The following GRM3 variants were observed in gnomAD, a reference collection of about 807,000 sequenced individuals.
GRM3 encodes the protein metabotropic glutamate receptor 3.
In GRM3, 26 loss-of-function variants were observed where a neutral mutation model predicts 70.5. That is an observed-to-expected ratio of 0.37 (90% CI 0.27 to 0.51). GRM3 has a LOEUF of 0.51. GRM3 is among the 20% of genes least tolerant of loss of function. GRM3 has a pLI of 0.93. For synonymous variants in GRM3, 443 were observed against 434.9 expected (o/e 1.02, Z -0.23); for missense variants, 859 against 1,123.8 (o/e 0.76, Z 3.37).
intron 5 of GRM3, among the ~76,000 whole-genome samples, chr7:86,856,015 C>G (rs1417106160): frequency 6.6e-6 from 1 of 152,182 alleles, no homozygotes; most frequent in African/African-American, 2.4e-5. Context: ...ACAGGTATAT[C>G]ATACACGTAA....
In GRM3 at chr7:86,765,003, T is replaced by A; in HGVS notation, c.-140-3T>A. The A allele has an allele frequency of 1.4e-6, 2 of 1,467,842 alleles. No homozygotes were observed. The highest frequency in any genetic ancestry group is 1.8e-6 in the Non-Finnish European group (2 of 1,117,234). 90.9% of individuals were successfully genotyped at this position (1,467,842 alleles called of 1,614,324 possible). On this transcript the variant is annotated splice_region_variant and splice_polypyrimidine_tract_variant and intron_variant, in intron 1 of 5. Coordinates refer to ENST00000361669, the MANE Select transcript of GRM3 (RefSeq NM_000840.3). ...TTTGTTCATATAATTTTTATCTCTT[T>A]AGGAATTTTGTGACAGGCTCTGTTA...
At chr7:86,838,536 C>T (rs1798501281) in intron 3 of GRM3, among the ~76,000 whole-genome samples, 1 of 152,154 alleles carries the variant, frequency 6.6e-6, no homozygotes, top group Non-Finnish European at 1.5e-5. Flanking sequence ...ACATGCCCAT[C>T]ATAAAACATA....
chr7:86,838,873 A>G lies in GRM3; in HGVS notation c.1359A>G (p.Ile453Met). 1 of 1,612,236 alleles carries G rather than the reference A, an allele frequency of 6.2e-7. No homozygotes were observed. Among genetic ancestry groups the G allele is most frequent in the Admixed American group, 1.7e-5 (1 of 59,942 alleles). ...ACCCAAATAAAGATGCAGATAGCAT[A>G]GTCAAGTTTGACACTTTTGGAGATG... ...PFNPNKDADS[I>M]VKFDTFGDGM... Residue 453 changes from isoleucine (I) to methionine (M), a missense_variant, in exon 4 of 6, where the codon ATA becomes ATG. Transcript: ENST00000361669.
intron 1 of GRM3, among the ~76,000 whole-genome samples, chr7:86,705,777 C>A (rs572803187): frequency 2.7e-4 from 41 of 152,164 alleles, no homozygotes; most frequent in Admixed American, 3.9e-4. Context: ...TTTTATATCA[C>A]CATGCTTATA....
intron 1 of GRM3, among the ~76,000 whole-genome samples, chr7:86,733,817 A>T (rs1361169391): frequency 6.6e-6 from 1 of 152,228 alleles, no homozygotes; most frequent in Non-Finnish European, 1.5e-5. Flanking sequence ...GCCTGGGCAC[A>T]GGCCATATGT....
intron 1 of GRM3, among the ~76,000 whole-genome samples, chr7:86,645,454 G>T (rs1793434842): frequency 6.6e-6 from 1 of 152,122 alleles, no homozygotes; most frequent in Non-Finnish European, 1.5e-5. Context: ...GTGAAAAATC[G>T]AAAAGCCAGA....
intron 4 of GRM3, among the ~76,000 whole-genome samples, chr7:86,844,567 A>G (rs1369738623): frequency 6.6e-6 from 1 of 152,136 alleles, no homozygotes; most frequent in Non-Finnish European, 1.5e-5. Flanking sequence ...AGTAGAAAAA[A>G]TCAGGCTGCT....
At chr7:86,711,508 T>A (rs1399050048) in intron 1 of GRM3, among the ~76,000 whole-genome samples, 3 of 152,110 alleles carry the variant, frequency 2.0e-5, no homozygotes, top group African/African-American at 7.2e-5. Flanking sequence ...CTTTCTCTTG[T>A]AGTCTCTGTT....
At position 86,675,307 on chromosome 7, in the gene GRM3, G is replaced by T. The variant is rs1036034570; in HGVS notation, c.-141+30435G>T. ...TATAGACCCAGGACATCCCCCATAG[G>T]AGGTCAGAAGTGATAAGCTATGCTT... On this transcript the variant is annotated intron_variant, in intron 1 of 5. Coordinates refer to ENST00000361669, the MANE Select transcript of GRM3 (RefSeq NM_000840.3). Among the ~76,000 whole-genome samples the T allele has an allele frequency of 3.3e-5, 5 of 152,158 alleles. 1 individual carries two copies. The highest frequency in any genetic ancestry group is 7.4e-5 in the Non-Finnish European group (5 of 67,980).
chr7:86,707,215 A>T (rs1358874246), intron 1 of GRM3, among the ~76,000 whole-genome samples: 1 of 152,110 alleles, frequency 6.6e-6, no homozygotes, highest in Non-Finnish European at 1.5e-5. Flanking sequence ...GTACACTCAG[A>T]CAACAGATTT....
intron 1 of GRM3, among the ~76,000 whole-genome samples, chr7:86,648,011 A>G (rs2115754718): frequency 6.6e-6 from 1 of 152,282 alleles, no homozygotes; most frequent in Non-Finnish European, 1.5e-5. Flanking sequence ...TCCTATTATA[A>G]ACCTTCTGGA....
rs757078535 is a variant in GRM3 at position 86,838,986 on chromosome 7, C to T, written c.1472C>T (p.Ser491Leu). Reference sequence around the variant, plus strand: ...GTTGGTCACTGGGCAGAAACCTTATCGCTAGATGTCAACTCTATCCACTGG... The same window carrying T: ...GTTGGTCACTGGGCAGAAACCTTATTGCTAGATGTCAACTCTATCCACTGG... ...LKVGHWAETLSLDVNSIHWSR... is the reference protein window; with the variant it reads ...LKVGHWAETLLLDVNSIHWSR... Residue 491 changes from serine (S) to leucine (L), a missense_variant, in exon 4 of 6, where the codon TCG becomes TTG. Coordinates refer to ENST00000361669, the MANE Select transcript of GRM3 (RefSeq NM_000840.3). 54 of 1,614,050 alleles carry T rather than the reference C, an allele frequency of 3.3e-5. No individual in the cohort carries two copies. The highest frequency in any genetic ancestry group is 3.3e-4 in the Middle Eastern group (2 of 6,062).
intron 1 of GRM3, among the ~76,000 whole-genome samples, chr7:86,654,331 A>G (rs1442576465): frequency 1.3e-5 from 2 of 152,216 alleles, no homozygotes; most frequent in African/African-American, 4.8e-5. Flanking sequence ...CACTCTCCCA[A>G]ATATTTTAAT....
At chr7:86,826,165 T>G (rs1386897505) in intron 3 of GRM3, among the ~76,000 whole-genome samples, 1 of 152,224 alleles carries the variant, frequency 6.6e-6, no homozygotes, top group African/African-American at 2.4e-5. Context: ...ACAATTTATC[T>G]TCACAAAATC....
At chr7:86,697,359 C>A (rs1047770559) in intron 1 of GRM3, among the ~76,000 whole-genome samples, 1 of 150,542 alleles carries the variant, frequency 6.6e-6, no homozygotes, top group African/African-American at 2.4e-5. Context: ...CAGCCTGATC[C>A]AAGGCTCAAA....
intron 1 of GRM3, among the ~76,000 whole-genome samples, chr7:86,717,878 A>G (rs1795357809): frequency 6.6e-6 from 1 of 151,904 alleles, no homozygotes; most frequent in Non-Finnish European, 1.5e-5. Flanking sequence ...TGAAAAAGTC[A>G]TTGTGAAACA....
At position 86,697,856 on chromosome 7, in the gene GRM3, T is replaced by C. The variant is rs75148826; in HGVS notation, c.-141+52984T>C. On this transcript the variant is annotated intron_variant, in intron 1 of 5. Coordinates refer to ENST00000361669, the MANE Select transcript of GRM3 (RefSeq NM_000840.3). ...AACCCATCTCTTGTGTAGGAAATGT[T>C]TGAAGATGGAAAAGCAAGGAACTGA... is the stretch of plus-strand genomic sequence containing the variant. Among the ~76,000 whole-genome samples, 1,372 of 152,224 alleles carry C rather than the reference T, an allele frequency of 9.0e-3. 16 individuals are homozygous for C. The highest frequency in any genetic ancestry group is 0.031 in the African/African-American group (1,307 of 41,540).
intron 1 of GRM3, among the ~76,000 whole-genome samples, chr7:86,744,542 C>A (rs1337464133): frequency 6.6e-6 from 1 of 151,648 alleles, no homozygotes; most frequent in Non-Finnish European, 1.5e-5. Flanking sequence ...GATTCCCCAA[C>A]AGGCCACATG....
At chr7:86,835,955 C>G (rs1798448510) in intron 3 of GRM3, among the ~76,000 whole-genome samples, 1 of 151,894 alleles carries the variant, frequency 6.6e-6, no homozygotes, top group South Asian at 2.1e-4. Context: ...CAAAAGAAAA[C>G]AAGCGAAAAA....
Sources: allele counts gnomAD v4.1 joint callset (sites outside exome capture counted in the v4.1 genomes callset), GRCh38; gene constraint gnomAD v4.1.1; transcripts MANE v1.5; gene names NCBI Gene and HGNC (gene_info 2026-07-23, HGNC 2026-07-21).